The following DCC variants were observed in gnomAD, a reference collection of about 807,000 sequenced individuals.
DCC encodes DCC netrin 1 receptor, also known as netrin receptor DCC.
DCC carries 58 observed loss-of-function variants against 172.5 expected under a neutral mutation model. The observed-to-expected ratio is 0.34, with a 90% confidence interval of 0.27 to 0.42. The LOEUF (loss-of-function observed/expected upper bound fraction) is 0.42, where lower values mean the gene tolerates loss of function less well. Among genes scored for constraint, DCC ranks in the 10% least tolerant of loss-of-function variants. DCC has a pLI of 1.00. For missense variants in DCC, 1,740 were observed against 1,791.0 expected (o/e 0.97, Z 0.51); for synonymous variants, 709 against 644.5 (o/e 1.10, Z -1.52).
intron 1 of DCC, among the ~76,000 whole-genome samples, chr18:52,528,853 T>A (rs1426647032): frequency 6.6e-6 from 1 of 152,146 alleles, no homozygotes; most frequent in Non-Finnish European, 1.5e-5. Flanking sequence ...AAAATACGAC[T>A]GGTTTAGTTA....
chr18:52,914,331 T>A (rs2040010711), intron 3 of DCC, among the ~76,000 whole-genome samples: 1 of 152,132 alleles, frequency 6.6e-6, no homozygotes, highest in Non-Finnish European at 1.5e-5. Context: ...GAATAGATGA[T>A]TTCCTTTCTT....
intron 25 of DCC, among the ~76,000 whole-genome samples, chr18:53,473,706 T>TA (rs1352748954): frequency 1.3e-5 from 2 of 152,216 alleles, no homozygotes; most frequent in African/African-American, 4.8e-5. Context: ...CAACTTCCTC[T>TA]AGGCTACCTG....
chr18:52,582,757 T>A (rs1433434682), intron 1 of DCC, among the ~76,000 whole-genome samples: 1 of 152,172 alleles, frequency 6.6e-6, no homozygotes, highest in Non-Finnish European at 1.5e-5. Context: ...TACTCTCTTT[T>A]ATAGCTAGCC....
At position 52,923,854 on chromosome 18, in the gene DCC, T is replaced by G. The variant is rs937587943; in HGVS notation, c.845T>G (p.Leu282Arg). 1 of 1,612,670 alleles carries G rather than the reference T, an allele frequency of 6.2e-7. No homozygotes were observed. Among genetic ancestry groups the G allele is most frequent in the Non-Finnish European group, 8.5e-7 (1 of 1,178,900 alleles). ...TTACGAGGCGAGGAAGTCATCCAAC[T>G]CAGGTATTTCACATTTAAGACTTTT... ...TWLRGEEVIQ[L>R]RSKKYSLLGG... Residue 282 changes from leucine to arginine, a missense_variant, in exon 4 of 29, where the codon CTC (leucine) becomes CGC (arginine). Coordinates refer to ENST00000442544, the MANE Select transcript of DCC (RefSeq NM_005215.4).
At chr18:52,921,294 A>G (rs1476429267) in intron 3 of DCC, among the ~76,000 whole-genome samples, 1 of 152,202 alleles carries the variant, frequency 6.6e-6, no homozygotes, top group African/African-American at 2.4e-5. Context: ...ATATATGAGG[A>G]TACTCTGAAC....
intron 2 of DCC, among the ~76,000 whole-genome samples, chr18:52,867,048 C>T (rs558322751): frequency 6.6e-6 from 1 of 152,264 alleles, no homozygotes; most frequent in African/African-American, 2.4e-5. Context: ...TTTTGAGATA[C>T]ATTCCATCAA....
chr18:52,503,100 T>C (rs2144631174), intron 1 of DCC, among the ~76,000 whole-genome samples: 1 of 152,306 alleles, frequency 6.6e-6, no homozygotes, highest in East Asian at 1.9e-4. Context: ...TACTCTTACT[T>C]ATTTTACTGA....
At chr18:53,505,031 G>C (rs1429871274) in intron 27 of DCC, among the ~76,000 whole-genome samples, 2 of 152,080 alleles carry the variant, frequency 1.3e-5, no homozygotes, top group Non-Finnish European at 2.9e-5. Context: ...CCCCCTAAAA[G>C]GGGTCTTCTA....
At chr18:53,304,839 CTCAG>C (rs2057180587) in intron 12 of DCC, among the ~76,000 whole-genome samples, 1 of 152,182 alleles carries the variant, frequency 6.6e-6, no homozygotes, top group Non-Finnish European at 1.5e-5. Context: ...TCTTCTTTGG[CTCAG>C]TCAACCTATG....
chr18:53,288,746 T>A (rs1224353391), intron 12 of DCC, among the ~76,000 whole-genome samples: 1 of 152,160 alleles, frequency 6.6e-6, no homozygotes, highest in Non-Finnish European at 1.5e-5. Flanking sequence ...TACTTCTAAC[T>A]GTTCTTAAGT....
intron 1 of DCC, among the ~76,000 whole-genome samples, chr18:52,637,667 A>G (rs1264692454): frequency 6.6e-6 from 1 of 152,248 alleles, no homozygotes; most frequent in African/African-American, 2.4e-5. Context: ...GTCTGGGATT[A>G]CGTGAAACAA....
chr18:53,417,270 C>G (rs2145069216), intron 21 of DCC, among the ~76,000 whole-genome samples: 1 of 152,334 alleles, frequency 6.6e-6, no homozygotes, highest in East Asian at 1.9e-4. Context: ...ACATTCTTCT[C>G]TGGCGATGTA....
At chr18:52,354,942 A>T (rs1243631803) in intron 1 of DCC, among the ~76,000 whole-genome samples, 1 of 152,220 alleles carries the variant, frequency 6.6e-6, no homozygotes, top group Non-Finnish European at 1.5e-5. Context: ...GAAATTCTGC[A>T]AATAGCAAAA....
At chr18:53,471,267 G>C (rs72918243) in intron 25 of DCC, among the ~76,000 whole-genome samples, 1 of 152,256 alleles carries the variant, frequency 6.6e-6, no homozygotes, top group Non-Finnish European at 1.5e-5. Flanking sequence ...GGAGAATATG[G>C]TATCCATCCA....
chr18:52,480,291 T>C (rs1416738796), intron 1 of DCC, among the ~76,000 whole-genome samples: 3 of 152,202 alleles, frequency 2.0e-5, no homozygotes, highest in African/African-American at 7.2e-5. Context: ...CTACTTATTT[T>C]AATAATTTTT....
At chr18:52,819,866 C>G (rs1326969160) in intron 2 of DCC, among the ~76,000 whole-genome samples, 2 of 151,582 alleles carry the variant, frequency 1.3e-5, no homozygotes, top group African/African-American at 4.9e-5. Flanking sequence ...CTACAGGTGC[C>G]CACCACCATG....
intron 2 of DCC, among the ~76,000 whole-genome samples, chr18:52,834,666 G>A (rs2156285): frequency 0.44 from 66,508 of 151,780 alleles, 14,738 homozygotes; most frequent in South Asian, 0.55. Context: ...TTATTTTACA[G>A]AACCATTTAC....
At chr18:53,016,197 T>C (rs1179195111) in intron 5 of DCC, among the ~76,000 whole-genome samples, 8 of 152,126 alleles carry the variant, frequency 5.3e-5, no homozygotes, top group Admixed American at 5.2e-4. Context: ...ACTAAATGTG[T>C]AGCTGCAAGT....
At chr18:53,082,107 A>C (rs2144138491) in intron 7 of DCC, among the ~76,000 whole-genome samples, 1 of 152,294 alleles carries the variant, frequency 6.6e-6, no homozygotes, top group South Asian at 2.1e-4. Context: ...TTATTTCAGC[A>C]TAAGCTTCAA....
Sources: gnomAD v4.1 joint callset for allele counts (sites outside exome capture counted in the v4.1 genomes callset) on GRCh38, gnomAD v4.1.1 for gene constraint, MANE v1.5 for transcripts, NCBI Gene and HGNC (gene_info 2026-07-23, HGNC 2026-07-21) for gene names.